The following PHC2 variants were observed in gnomAD, a reference collection of about 807,000 sequenced individuals.
The protein encoded by PHC2 is polyhomeotic-like protein 2.
PHC2 carries 29 observed loss-of-function variants against 87.4 expected under a neutral mutation model. The ratio of observed to expected loss-of-function variants is 0.33; its 90% CI spans 0.25 to 0.45. The LOEUF (loss-of-function observed/expected upper bound fraction) is 0.45. PHC2 is among the 20% of genes least tolerant of loss of function. The pLI is 1.00. For synonymous variants in PHC2, 438 were observed against 461.7 expected, an observed-to-expected ratio of 0.95 and a Z score of 0.66; for missense variants, 857 against 1,136.7, an observed-to-expected ratio of 0.75 and a Z score of 3.54.
chr1:33,419,652 C>T (rs1650350688), intron 1 of PHC2, among the ~76,000 whole-genome samples: 1 of 152,112 alleles, frequency 6.6e-6, no homozygotes, highest in African/African-American at 2.4e-5. Flanking sequence ...CTCTGTTGCC[C>T]AGGCTGGAGT....
At chr1:33,373,134 G>T (rs1331916563) in intron 2 of PHC2, among the ~76,000 whole-genome samples, 8 of 152,002 alleles carry the variant, frequency 5.3e-5, no homozygotes, top group Non-Finnish European at 1.2e-4. Context: ...TTTTTGGAGG[G>T]GGGATGGAGT....
At chr1:33,386,894 C>T (rs1648789192) in intron 1 of PHC2, among the ~76,000 whole-genome samples, 1 of 152,212 alleles carries the variant, frequency 6.6e-6, no homozygotes, top group African/African-American at 2.4e-5. Context: ...CATACACATA[C>T]ACACAGCTAC....
rs1650555061 is a variant in PHC2 at position 33,423,875 on chromosome 1, G to A, written c.-55+7101C>T. On this transcript the variant is annotated intron_variant, in intron 1 of 14. Coordinates refer to ENST00000683057, the MANE Select transcript of PHC2 (RefSeq NM_001385109.1). The stretch of plus-strand genomic sequence containing the variant: ...GCACTATGGGAGGCCGAGGAGGGCA[G>A]ATCACGAGGTCAGGAGTTCAACACC... Among the ~76,000 whole-genome samples, 5 of 152,140 alleles carry A rather than the reference G, an allele frequency of 3.3e-5. No homozygotes were observed. In the South Asian group the frequency reaches 1.0e-3, roughly 31 times the overall value.
intron 1 of PHC2, among the ~76,000 whole-genome samples, chr1:33,393,575 C>G (rs141152255): frequency 1.1e-4 from 17 of 150,402 alleles, no homozygotes; most frequent in Non-Finnish European, 2.1e-4. Context: ...TCTGTGTGGA[C>G]CAGAACCATA....
chr1:33,338,061 T>C (rs1646674458), intron 9 of PHC2, among the ~76,000 whole-genome samples: 1 of 152,222 alleles, frequency 6.6e-6, no homozygotes, highest in African/African-American at 2.4e-5. Context: ...CCTCTGACCT[T>C]GTCTTTTGTG....
chr1:33,337,024 A>G (rs1302058016), intron 9 of PHC2, among the ~76,000 whole-genome samples: 2 of 152,200 alleles, frequency 1.3e-5, no homozygotes, highest in African/African-American at 2.4e-5. Flanking sequence ...TATGTTTTGC[A>G]TATGCTAAGA....
intron 1 of PHC2, among the ~76,000 whole-genome samples, chr1:33,401,827 C>G (rs1415826561): frequency 2.0e-5 from 3 of 152,208 alleles, no homozygotes; most frequent in East Asian, 1.9e-4. Context: ...TGAAATTGAT[C>G]TCCCACCTCA....
intron 1 of PHC2, among the ~76,000 whole-genome samples, chr1:33,377,302 C>T (rs1648234857): frequency 6.6e-6 from 1 of 152,218 alleles, no homozygotes; most frequent in Non-Finnish European, 1.5e-5. Context: ...GCCTGGTTCA[C>T]ACTGCCCAGA....
At chr1:33,354,174 A>G (rs1397512532) in intron 9 of PHC2, among the ~76,000 whole-genome samples, 3 of 152,220 alleles carry the variant, frequency 2.0e-5, no homozygotes, top group Non-Finnish European at 4.4e-5. Context: ...GTCTGGCTCT[A>G]GAACTTTCAC....
At chr1:33,418,308 A>G (rs1650290213) in intron 1 of PHC2, among the ~76,000 whole-genome samples, 1 of 152,238 alleles carries the variant, frequency 6.6e-6, no homozygotes. Flanking sequence ...GATCAATACA[A>G]TTGATAAACC....
intron 1 of PHC2, among the ~76,000 whole-genome samples, chr1:33,430,464 C>T (rs545396766): frequency 6.6e-6 from 1 of 152,028 alleles, no homozygotes; most frequent in African/African-American, 2.4e-5. Flanking sequence ...GGCTGGGGAG[C>T]GGGCGCCCCG....
At chr1:33,363,719 G>A in intron 7 of PHC2, 1 of 982,724 alleles carries the variant, frequency 1.0e-6, no homozygotes, top group Non-Finnish European at 1.2e-6. Context: ...CTCCCAGTCA[G>A]CAACTTTCTC....
chr1:33,328,454 A>G (rs912471759), intron 14 of PHC2, among the ~76,000 whole-genome samples: 4 of 145,782 alleles, frequency 2.7e-5, no homozygotes, highest in African/African-American at 1.0e-4. Context: ...GACCTCACGC[A>G]ATCCTTCCAC....
At chr1:33,423,405 G>C (rs866868747) in intron 1 of PHC2, among the ~76,000 whole-genome samples, 42 of 152,126 alleles carry the variant, frequency 2.8e-4, no homozygotes, top group African/African-American at 9.4e-4. Flanking sequence ...CATCCATCCC[G>C]TACAGCTAAA....
At chr1:33,420,865 C>A (rs1557849762) in intron 1 of PHC2, among the ~76,000 whole-genome samples, 2 of 152,186 alleles carry the variant, frequency 1.3e-5, no homozygotes, top group Non-Finnish European at 2.9e-5. Context: ...CCTGCCTCAG[C>A]CTCCCAACGT....
chr1:33,351,065 T>C lies in PHC2; in HGVS notation c.1558+3336A>G, dbSNP rs561763972. Among the ~76,000 whole-genome samples the C allele has an allele frequency of 4.3e-4, 65 of 152,306 alleles. 1 individual carries two copies. Among genetic ancestry groups the C allele is most frequent in the Non-Finnish European group, 7.2e-4 (49 of 68,028 alleles). On this transcript the variant is annotated intron_variant, in intron 9 of 14. Transcript: ENST00000683057. Reference sequence around the variant, plus strand: ...CAAGGTCCAGACTCAAGAACAGCAGTTGGCAAACTTTTTCTGCCAGGGACC... The same window carrying C: ...CAAGGTCCAGACTCAAGAACAGCAGCTGGCAAACTTTTTCTGCCAGGGACC...
intron 9 of PHC2, among the ~76,000 whole-genome samples, chr1:33,344,516 C>T (rs1646809339): frequency 6.6e-6 from 1 of 152,240 alleles, no homozygotes; most frequent in African/African-American, 2.4e-5. Context: ...TCTAAGCTTC[C>T]AGTCAACCCT....
chr1:33,374,430 A>G (rs1156430297), intron 2 of PHC2, among the ~76,000 whole-genome samples: 1 of 152,226 alleles, frequency 6.6e-6, no homozygotes, highest in East Asian at 1.9e-4. Flanking sequence ...GGGGCAGGAA[A>G]CATGGATTCA....
In PHC2 at chr1:33,331,523, C is replaced by T; in HGVS notation, c.1892-61G>A. The stretch of plus-strand genomic sequence containing the variant: ...GAAATTCCTGCAGGACTGTGGCCAG[C>T]CCCACCACGGGGCCTCCCTACTCCA... On this transcript the variant is annotated intron_variant, in intron 11 of 14. Coordinates refer to ENST00000683057, the MANE Select transcript of PHC2 (RefSeq NM_001385109.1). The surrounding 1 kb of genome is among the most constrained non-coding windows in gnomAD (Gnocchi z 5.2). 2 of 988,638 alleles carry T rather than the reference C, an allele frequency of 2.0e-6. No individual in the cohort carries two copies. The highest frequency in any genetic ancestry group is 1.6e-6 in the Non-Finnish European group (1 of 623,764). The allele number at this position is 988,638 out of a possible 1,614,324, so 61.2% of individuals were successfully genotyped here.
Sources: gnomAD v4.1 joint callset for allele counts (sites outside exome capture counted in the v4.1 genomes callset) on GRCh38, gnomAD v4.1.1 for gene constraint, Gnocchi (gnomAD v3.1) non-coding constraint, MANE v1.5 for transcripts, NCBI Gene and HGNC (gene_info 2026-07-23, HGNC 2026-07-21) for gene names.